TP63: variants seen among roughly 807,000 people sequenced by gnomAD.
TP63 encodes tumor protein 63.
TP63 carries 17 observed loss-of-function variants against 82.8 expected under a neutral mutation model. That is an observed-to-expected ratio of 0.21 (90% confidence interval 0.14 to 0.31). The LOEUF (loss-of-function observed/expected upper bound fraction) is 0.31, where lower values mean the gene tolerates loss of function less well. Ranked by LOEUF, TP63 falls within the 10% of genes least tolerant of loss-of-function variation. TP63 has a pLI of 1.00. For missense variants in TP63, 648 were observed against 895.3 expected (o/e 0.72, Z 3.52); for synonymous variants, 330 against 321.7 (o/e 1.03, Z -0.28).
chr3:189,684,872 T>C lies in TP63; in HGVS notation c.63-52868T>C, dbSNP rs868311528. On this transcript the variant is annotated intron_variant, in intron 1 of 13. Transcript: ENST00000264731. Reference sequence around the variant, plus strand: ...GTCTTGGACTCCTGACCTCAGATGATCCACCCGCCTTAGCCTCCCAGAGTG... The same window carrying C: ...GTCTTGGACTCCTGACCTCAGATGACCCACCCGCCTTAGCCTCCCAGAGTG... Among the ~76,000 whole-genome samples, 2 of 152,218 alleles carry C rather than the reference T, an allele frequency of 1.3e-5. 1 individual carries two copies. The highest frequency in any genetic ancestry group is 6.8e-3 in the Middle Eastern group (2 of 294).
At chr3:189,671,985 G>A (rs186289212) in intron 1 of TP63, among the ~76,000 whole-genome samples, 1 of 151,922 alleles carries the variant, frequency 6.6e-6, no homozygotes, top group Non-Finnish European at 1.5e-5. Flanking sequence ...AGCACTATAG[G>A]GTGAATATAG....
At chr3:189,669,701 G>A (rs2108669574) in intron 1 of TP63, among the ~76,000 whole-genome samples, 1 of 152,022 alleles carries the variant, frequency 6.6e-6, no homozygotes, top group East Asian at 1.9e-4. Context: ...ATAATATATG[G>A]GCTCTAGGTA....
At chr3:189,806,306 G>T (rs949733276) in intron 3 of TP63, among the ~76,000 whole-genome samples, 1 of 152,060 alleles carries the variant, frequency 6.6e-6, no homozygotes, top group Non-Finnish European at 1.5e-5. Flanking sequence ...TTTACTGCCT[G>T]CGAGAAAGTG....
At chr3:189,737,973 G>A (rs1178558153) in intron 2 of TP63, 105 bp downstream of exon 2, 2 of 1,427,402 alleles carry the variant, frequency 1.4e-6, no homozygotes, top group Non-Finnish European at 9.7e-7. Flanking sequence ...ATCAGTAGAA[G>A]TTATTTAGGA....
chr3:189,821,850 T>A (rs566749850), intron 4 of TP63, among the ~76,000 whole-genome samples: 2 of 152,230 alleles, frequency 1.3e-5, no homozygotes, highest in African/African-American at 4.8e-5. Flanking sequence ...AAGCATATGA[T>A]ACTTACAGTA....
the TP63 span, among the ~76,000 whole-genome samples, chr3:189,623,662 A>G: frequency 6.6e-6 from 1 of 152,354 alleles, no homozygotes; most frequent in East Asian, 1.9e-4. Context: ...TGTTGAATCC[A>G]TTAATCAGCT....
At chr3:189,849,810 A>G (rs1715396937) in intron 4 of TP63, among the ~76,000 whole-genome samples, 1 of 152,132 alleles carries the variant, frequency 6.6e-6, no homozygotes, top group African/African-American at 2.4e-5. Flanking sequence ...CACCTCTTTA[A>G]GTCTCAGTTT....
At chr3:189,697,196 A>T in intron 1 of TP63, among the ~76,000 whole-genome samples, 1 of 142,298 alleles carries the variant, frequency 7.0e-6, no homozygotes, top group African/African-American at 2.6e-5. Flanking sequence ...TTTTAAGTTA[A>T]TTTTTGTGAA....
At chr3:189,681,676 T>A (rs1715914963) in intron 1 of TP63, among the ~76,000 whole-genome samples, 1 of 152,196 alleles carries the variant, frequency 6.6e-6, no homozygotes, top group South Asian at 2.1e-4. Flanking sequence ...ACTGGTTCTC[T>A]TCTTCCTCCT....
At position 189,886,442 on chromosome 3, in the gene TP63, G is replaced by A. The variant is rs753959658; in HGVS notation, c.1398G>A (p.Leu466=). Residue 466 remains leucine (L), a synonymous_variant, in exon 11 of 14, where the codon CTG becomes CTA. Coordinates refer to ENST00000264731, the MANE Select transcript of TP63 (RefSeq NM_003722.5). ...CATATGGTAACAGCTCCCCACCTCT[G>A]AACAAAATGAACAGCATGAACAAGC... ...PSSYGNSSPP[L]NKMNSMNKLP... The A allele has an allele frequency of 1.2e-6, 2 of 1,614,020 alleles. No homozygotes were observed.
chr3:189,861,218 C>T (rs1339304550), intron 4 of TP63, among the ~76,000 whole-genome samples: 1 of 152,120 alleles, frequency 6.6e-6, no homozygotes, highest in Non-Finnish European at 1.5e-5. Context: ...GTCTTCACTA[C>T]TTATCTCCCA....
chr3:189,840,378 T>TTTTTTTTTTTTTTTTTTTTTTTTTTTTTC (rs1713878106), intron 4 of TP63, among the ~76,000 whole-genome samples: 1 of 147,702 alleles, frequency 6.8e-6, no homozygotes, highest in Non-Finnish European at 1.5e-5. Context: ...TTTTTTTTTT[T>TTTTTTTTTTTTTTTTTTTTTTTTTTTTTC]TTTTTTTTTA....
chr3:189,656,543 C>A (rs922291470), intron 1 of TP63, among the ~76,000 whole-genome samples: 1 of 151,956 alleles, frequency 6.6e-6, no homozygotes. Context: ...ATGGTTTAAA[C>A]ATACCAAGTA....
chr3:189,743,536 A>G (rs1323547064), intron 3 of TP63, among the ~76,000 whole-genome samples: 1 of 152,146 alleles, frequency 6.6e-6, no homozygotes, highest in Non-Finnish European at 1.5e-5. Context: ...ATACACACAC[A>G]CAGAAATGAA....
chr3:189,850,284 C>T (rs1042349537), intron 4 of TP63, among the ~76,000 whole-genome samples: 5 of 151,882 alleles, frequency 3.3e-5, no homozygotes, highest in Non-Finnish European at 5.9e-5. Flanking sequence ...TCCATCCCCC[C>T]GTACCCCTTC....
chr3:189,850,015 A>G (rs1715418443), intron 4 of TP63, among the ~76,000 whole-genome samples: 1 of 152,212 alleles, frequency 6.6e-6, no homozygotes, highest in African/African-American at 2.4e-5. Flanking sequence ...GTGGTGGCTC[A>G]TGCCCTATAA....
intron 4 of TP63, among the ~76,000 whole-genome samples, chr3:189,837,175 G>T (rs953436175): frequency 1.3e-5 from 2 of 151,658 alleles, no homozygotes; most frequent in African/African-American, 4.8e-5. Flanking sequence ...CCTTCTGCAT[G>T]CCCTGTCTCC....
chr3:189,771,308 A>G (rs1280966117), intron 3 of TP63, among the ~76,000 whole-genome samples: 2 of 138,686 alleles, frequency 1.4e-5, no homozygotes, highest in African/African-American at 5.4e-5. Flanking sequence ...ATTTATATAT[A>G]TAATATATTA....
In TP63 at chr3:189,872,843, C is replaced by T; in HGVS notation, c.1213-16C>T. On this transcript the variant is annotated splice_polypyrimidine_tract_variant and intron_variant, in intron 9 of 13. Coordinates refer to ENST00000264731, the MANE Select transcript of TP63 (RefSeq NM_003722.5). ...GCTTTTCATGTTTCCTTCTTTCCTT[C>T]TGCTCACTTCCATAGGTGAGGGGCC... is the stretch of plus-strand genomic sequence containing the variant. 2.5e-6 allele frequency: 4 copies of T among 1,614,156 alleles called. No homozygotes were observed. Among genetic ancestry groups the T allele is most frequent in the Non-Finnish European group, 3.4e-6 (4 of 1,179,986 alleles).
Sources: allele counts gnomAD v4.1 joint callset (sites outside exome capture counted in the v4.1 genomes callset), GRCh38; gene constraint gnomAD v4.1.1; transcripts MANE v1.5; gene names NCBI Gene and HGNC (gene_info 2026-07-23, HGNC 2026-07-21).